Variants in MTUS2 observed in about 807,000 individuals in gnomAD.
MTUS2 encodes the protein microtubule associated scaffold protein 2, also known as microtubule-associated tumor suppressor candidate 2.
Under a neutral mutation model 114.1 loss-of-function variants are expected in MTUS2, and 40 were observed. The ratio of observed to expected loss-of-function variants is 0.35; its 90% CI spans 0.27 to 0.46. The LOEUF is 0.46. MTUS2 is among the 20% of genes least tolerant of loss of function. The pLI, the probability that MTUS2 is intolerant of heterozygous loss-of-function variation, is 1.00. For missense variants in MTUS2, 1,679 were observed against 1,705.4 expected, an observed-to-expected ratio of 0.98 and a Z score of 0.27; for synonymous variants, 688 against 672.0, an observed-to-expected ratio of 1.02 and a Z score of -0.37.
intron 5 of MTUS2, among the ~76,000 whole-genome samples, chr13:29,260,275 T>G (rs541016728): frequency 1.3e-5 from 2 of 152,328 alleles, no homozygotes; most frequent in South Asian, 4.1e-4. Context: ...AAGATATTTT[T>G]TCTTTGGACT....
intron 9 of MTUS2, among the ~76,000 whole-genome samples, chr13:29,468,544 G>A (rs1880048759): frequency 6.6e-6 from 1 of 151,960 alleles, no homozygotes; most frequent in African/African-American, 2.4e-5. Context: ...TTGCATCACT[G>A]CACTCCAGCC....
chr13:29,079,360 G>C (rs1249672029), intron 4 of MTUS2, among the ~76,000 whole-genome samples: 1 of 151,938 alleles, frequency 6.6e-6, no homozygotes, highest in Non-Finnish European at 1.5e-5. Context: ...CCCATTCTTA[G>C]GGTTTTTTTC....
At chr13:28,878,026 G>A (rs1471458331) in intron 2 of MTUS2, among the ~76,000 whole-genome samples, 1 of 152,110 alleles carries the variant, frequency 6.6e-6, no homozygotes, top group Non-Finnish European at 1.5e-5. Flanking sequence ...CTTCCATTAT[G>A]ATGCCAAGTT....
chr13:28,939,252 A>G (rs1006219936), intron 2 of MTUS2, among the ~76,000 whole-genome samples: 6 of 152,174 alleles, frequency 3.9e-5, no homozygotes, highest in Admixed American at 6.5e-5. Context: ...TTCCTGTCAG[A>G]TGCTAACTTT....
At position 29,025,282 on chromosome 13, in the gene MTUS2, C is replaced by T; in HGVS notation, c.584C>T (p.Pro195Leu). ...AAVGSLTPQH[P>L]QPLSLDSREA... is the part of the protein sequence containing the mutation. ...GTCGGGAGCCTGACTCCGCAGCATC[C>T]ACAGCCTCTATCCCTCGACTCCCGG... The change falls in exon 3 of 16, where the codon CCA (proline) becomes CTA (leucine). Residue 195 changes from proline to leucine, a missense_variant. Physicochemically the swap from Pro to Leu is moderately conservative, Grantham distance 98 (BLOSUM62 -3). This residue lies in a region of MTUS2 where 843 missense variants were observed against 770.8 expected (regional missense o/e 1.09). Coordinates refer to ENST00000612955, the MANE Select transcript of MTUS2 (RefSeq NM_001033602.4). 6.2e-7 allele frequency: 1 copy of T among 1,613,968 alleles called. No homozygotes were observed. Among genetic ancestry groups the T allele is most frequent in the Non-Finnish European group, 8.5e-7 (1 of 1,179,894 alleles).
intron 2 of MTUS2, among the ~76,000 whole-genome samples, chr13:29,015,424 G>A (rs1477351585): frequency 2.0e-5 from 3 of 152,150 alleles, no homozygotes; most frequent in Non-Finnish European, 2.9e-5. Flanking sequence ...CTTGAGGGTA[G>A]TAGGTATTTA....
chr13:29,029,318 C>T (rs1020463114), intron 3 of MTUS2, among the ~76,000 whole-genome samples: 2 of 152,182 alleles, frequency 1.3e-5, no homozygotes, highest in Non-Finnish European at 2.9e-5. Flanking sequence ...TACTCTGTGC[C>T]CTGCAATGAG....
rs112530251 is a variant in MTUS2, at chr13:28,959,849, C to T, written c.-242-64608C>T. ...TTTGGAGGGGACAAAACGTCCAAACCGTATCACACCACCTGTCAGTAATGT... is the reference window on the plus strand; with the variant it reads ...TTTGGAGGGGACAAAACGTCCAAACTGTATCACACCACCTGTCAGTAATGT... On this transcript the variant is annotated intron_variant, in intron 2 of 15. Coordinates refer to ENST00000612955, the MANE Select transcript of MTUS2 (RefSeq NM_001033602.4). Among the ~76,000 whole-genome samples, 80 of 152,304 alleles carry T rather than the reference C, an allele frequency of 5.3e-4. 1 individual carries two copies. Among genetic ancestry groups the T allele is most frequent in the African/African-American group, 1.8e-3 (76 of 41,572 alleles).
At chr13:29,360,816 T>A (rs11839263) in intron 8 of MTUS2, among the ~76,000 whole-genome samples, 1 of 151,648 alleles carries the variant, frequency 6.6e-6, no homozygotes, top group African/African-American at 2.4e-5. Context: ...TCCCACTGAC[T>A]GTCAAGTTGT....
chr13:29,501,012 C>T, intron 14 of MTUS2, 85 bp from the exon 15 acceptor site: 1 of 1,001,456 alleles, frequency 1.0e-6, no homozygotes, highest in South Asian at 1.5e-5. Context: ...TCTTGATAAT[C>T]CTCCAATGCC....
At chr13:29,244,209 G>A (rs1896828077) in intron 5 of MTUS2, among the ~76,000 whole-genome samples, 1 of 152,144 alleles carries the variant, frequency 6.6e-6, no homozygotes, top group Non-Finnish European at 1.5e-5. Flanking sequence ...TGTGCAGATG[G>A]CCCACCTGTA....
At chr13:29,028,604 A>G (rs1470467956) in intron 3 of MTUS2, among the ~76,000 whole-genome samples, 3 of 151,528 alleles carry the variant, frequency 2.0e-5, no homozygotes, top group Non-Finnish European at 4.4e-5. Flanking sequence ...CACTCCCTTT[A>G]GGTCTGTGTT....
Position 29,100,961 on chromosome 13 carries a change from C to G in MTUS2, c.2635C>G (p.Pro879Ala). 6.4e-7 allele frequency: 1 copy of G among 1,562,042 alleles called. No homozygotes were observed. The highest frequency in any genetic ancestry group is 8.7e-7 in the Non-Finnish European group (1 of 1,151,640). ...GDSAQPEQGR[P>A]ATRSTFGNEE... ...CAGTGCACAGCCAGAGCAGGGCCGGCCAGCCACCCGTAAGTGGGGTGGGGC... is the reference window on the plus strand; with the variant it reads ...CAGTGCACAGCCAGAGCAGGGCCGGGCAGCCACCCGTAAGTGGGGTGGGGC... Residue 879 changes from proline (P) to alanine (A), a missense_variant, in exon 5 of 16, where the codon CCA becomes GCA. This residue lies in a region of MTUS2 where 822 missense variants were observed against 899.7 expected (regional missense o/e 0.91). Transcript: ENST00000612955.
chr13:29,372,979 T>C (rs1263416765), intron 8 of MTUS2, among the ~76,000 whole-genome samples: 1 of 152,098 alleles, frequency 6.6e-6, no homozygotes, highest in Non-Finnish European at 1.5e-5. Flanking sequence ...GAAAGAAGAG[T>C]TGAATTGAAA....
intron 2 of MTUS2, among the ~76,000 whole-genome samples, chr13:28,980,713 T>C (rs1884321455): frequency 6.6e-6 from 1 of 152,238 alleles, no homozygotes; most frequent in South Asian, 2.1e-4. Flanking sequence ...AATGAGATTG[T>C]TGGATCAATA....
chr13:29,325,468 A>G lies in MTUS2; in HGVS notation c.2905+757A>G, dbSNP rs866685733. ...GAGACTTCATCTCAAAAAAAAAAAA[A>G]AAGAAAAGAAGAAGAGGAAGAGGGA... On this transcript the variant is annotated intron_variant, in intron 7 of 15. Coordinates refer to ENST00000612955, the MANE Select transcript of MTUS2 (RefSeq NM_001033602.4). Among the ~76,000 whole-genome samples the G allele has an allele frequency of 3.0e-5, 3 of 100,710 alleles. No homozygotes were observed. In the East Asian group the frequency reaches 7.9e-4, roughly 26 times the overall value. 66.1% of individuals were successfully genotyped at this position (100,710 alleles called of 152,430 possible).
intron 2 of MTUS2, among the ~76,000 whole-genome samples, chr13:28,986,119 T>G (rs1450584497): frequency 6.6e-6 from 1 of 151,934 alleles, no homozygotes; most frequent in East Asian, 1.9e-4. Flanking sequence ...GAGAAGTTAT[T>G]TGGGTCTGAA....
Position 29,503,791 on chromosome 13 carries a change from TGGTACTCTCTTTAACAC to T in MTUS2, c.*587_*603del, listed in dbSNP as rs1483685072. The T allele has an allele frequency of 4.3e-6, 1 of 234,786 alleles. No individual in the cohort carries two copies. Among genetic ancestry groups the T allele is most frequent in the Non-Finnish European group, 8.4e-6 (1 of 119,108 alleles). The allele number at this position is 234,786 out of a possible 1,614,324, so 14.5% of individuals were successfully genotyped here. A position where few individuals can be genotyped will look rare whatever the true frequency, so the allele number is the denominator to read the frequency against. On this transcript the variant is annotated 3_prime_UTR_variant, in exon 16 of 16. Coordinates refer to ENST00000612955, the MANE Select transcript of MTUS2 (RefSeq NM_001033602.4). ...AAGCGCCTTTCAACTCACCACCAAG[TGGTACTCTCTTTAACAC>T]GAACACCAGCTATTTGTGAACGGTA...
At position 29,501,104 on chromosome 13, in the gene MTUS2, A is replaced by C. The variant is rs769536746; in HGVS notation, c.3806A>C (p.Lys1269Thr). 1 of 1,614,044 alleles carries C rather than the reference A, an allele frequency of 6.2e-7. No homozygotes were observed. The highest frequency in any genetic ancestry group is 8.5e-7 in the Non-Finnish European group (1 of 1,179,932). The change falls in exon 15 of 16, where the codon AAG (lysine) becomes ACG (threonine). Residue 1269 changes from lysine to threonine, a missense_variant. Around this residue, in one of 3 missense-constraint regions of MTUS2, gnomAD observed 822 missense variants for 899.7 expected, o/e 0.91. Coordinates refer to ENST00000612955, the MANE Select transcript of MTUS2 (RefSeq NM_001033602.4). ...ACACTGTTTCCTTTGTAGGCAGAAA[A>C]GAACATTATCCTAGAAGAAAAGATC... ...KILELEKLAE[K>T]NIILEEKIQV... is the part of the protein sequence containing the mutation.
Sources: gnomAD v4.1 joint callset for allele counts (sites outside exome capture counted in the v4.1 genomes callset) on GRCh38, gnomAD v4.1.1 for gene constraint, gnomAD v4.1.1 regional missense constraint, MANE v1.5 for transcripts, NCBI Gene and HGNC (gene_info 2026-07-23, HGNC 2026-07-21) for gene names.